ABLIM2: variants seen among roughly 807,000 people sequenced by gnomAD.
ABLIM2 encodes actin-binding LIM protein 2.
Under a neutral mutation model 97.7 loss-of-function variants are expected in ABLIM2, and 53 were observed. That is an observed-to-expected ratio of 0.54 (90% CI 0.44 to 0.68). The LOEUF (loss-of-function observed/expected upper bound fraction) is 0.68. Among genes scored for constraint, ABLIM2 ranks in the 30% least tolerant of loss-of-function variants. The pLI, the probability that ABLIM2 is intolerant of heterozygous loss-of-function variation, is 0.00. For synonymous variants in ABLIM2, 361 were observed against 345.8 expected (o/e 1.04, Z -0.49); for missense variants, 835 against 867.2 (o/e 0.96, Z 0.47).
rs147087665 is a variant in ABLIM2, at chr4:8,127,665, C to T, written c.11-21028G>A. 40 of 1,275,748 alleles carry T rather than the reference C, an allele frequency of 3.1e-5. No individual in the cohort carries two copies. Among genetic ancestry groups the T allele is most frequent in the African/African-American group, 7.6e-5 (5 of 65,708 alleles). 79.0% of individuals were successfully genotyped at this position (1,275,748 alleles called of 1,614,324 possible). A position where few individuals can be genotyped will look rare whatever the true frequency, so the allele number is the denominator to read the frequency against. On this transcript the variant is annotated intron_variant, in intron 1 of 20. Transcript: ENST00000447017. This position sits in a 1 kb window ranked among gnomAD's most constrained non-coding sequence, Gnocchi z 7.3. ...CACGGAGGATCGGGCAGGAGTGGAC[C>T]GGGGAAGAGCCTCTGTGGCCCACAG...
intron 18 of ABLIM2, among the ~76,000 whole-genome samples, 196 bp from the exon 19 acceptor site, chr4:7,983,750 G>T (rs571077823): frequency 1.4e-4 from 22 of 152,006 alleles, no homozygotes; most frequent in African/African-American, 4.8e-4. Context: ...GGCCTCCCCC[G>T]GGAAACCAGA....
Position 8,071,252 on chromosome 4 carries a change from C to A in ABLIM2, c.675+6376G>T, listed in dbSNP as rs993269120. On this transcript the variant is annotated intron_variant, in intron 6 of 20. Coordinates refer to ENST00000447017, the MANE Select transcript of ABLIM2 (RefSeq NM_001130083.2). The surrounding 1 kb of genome is among the most constrained non-coding windows in gnomAD (Gnocchi z 6.2). The stretch of plus-strand genomic sequence containing the variant: ...TGCTGCCCCAGCCCAGTGCCTCCCC[C>A]ATCCCTAGCCAGCCATCCCGGCCCA... Among the ~76,000 whole-genome samples the A allele has an allele frequency of 2.6e-5, 4 of 152,170 alleles. No homozygotes were observed. The highest frequency in any genetic ancestry group is 6.5e-5 in the Admixed American group (1 of 15,278).
chr4:8,112,511 C>G lies in ABLIM2; in HGVS notation c.11-5874G>C, dbSNP rs1840839323. Among the ~76,000 whole-genome samples, 1 of 152,172 alleles carries G rather than the reference C, an allele frequency of 6.6e-6. No homozygotes were observed. The highest frequency in any genetic ancestry group is 2.4e-5 in the African/African-American group (1 of 41,420). ...CTCCAAGGCTCAGAGACCAGACTTGCAGGCCGCAGGATGGAGGGGTCAGAT... is the reference window on the plus strand; with the variant it reads ...CTCCAAGGCTCAGAGACCAGACTTGGAGGCCGCAGGATGGAGGGGTCAGAT... On this transcript the variant is annotated intron_variant, in intron 1 of 20. Coordinates refer to ENST00000447017, the MANE Select transcript of ABLIM2 (RefSeq NM_001130083.2). The surrounding 1 kb of genome is among the most constrained non-coding windows in gnomAD (Gnocchi z 4.2).
chr4:8,086,206 AT>A (rs1479445110), intron 4 of ABLIM2, among the ~76,000 whole-genome samples: 1 of 151,830 alleles, frequency 6.6e-6, no homozygotes, highest in African/African-American at 2.4e-5. Flanking sequence ...TTCTTTGAAA[AT>A]GCAAATTTGA....
chr4:7,973,957 C>T (rs1730459181), intron 20 of ABLIM2, among the ~76,000 whole-genome samples: 2 of 152,182 alleles, frequency 1.3e-5, no homozygotes, highest in African/African-American at 4.8e-5. Flanking sequence ...AGATCGCCCT[C>T]AATAATGCAG....
chr4:8,157,365 C>A (rs1715700985), intron 1 of ABLIM2, among the ~76,000 whole-genome samples: 1 of 152,232 alleles, frequency 6.6e-6, no homozygotes, highest in African/African-American at 2.4e-5. Flanking sequence ...TCTGGAGGTT[C>A]TGCCAAGTCT....
At chr4:8,028,975 C>T (rs73092341) in intron 11 of ABLIM2, among the ~76,000 whole-genome samples, 2,312 of 152,314 alleles carry the variant, frequency 0.015, 65 homozygotes, top group African/African-American at 0.053. Context: ...AAAAATCCCT[C>T]GAAAGGCAGT....
At position 8,071,693 on chromosome 4, in the gene ABLIM2, ACCC is replaced by A; in HGVS notation, c.675+5932_675+5934del. 9.7e-4 allele frequency: 794 copies of A among 819,592 alleles called. No individual in the cohort carries two copies. Among genetic ancestry groups the A allele is most frequent in the Middle Eastern group, 1.3e-3 (2 of 1,592 alleles). The allele number at this position is 819,592 out of a possible 1,614,324, so 50.8% of individuals were successfully genotyped here. On this transcript the variant is annotated intron_variant, in intron 6 of 20. Coordinates refer to ENST00000447017, the MANE Select transcript of ABLIM2 (RefSeq NM_001130083.2). The surrounding 1 kb of genome is among the most constrained non-coding windows in gnomAD (Gnocchi z 6.2). ...ACACCTGACTGCTCTGTCCCCAAAA[ACCC>A]ACCCACCCGCAGCCCCTCCTGGCCC...
rs112786858 is a variant in ABLIM2 at position 7,984,391 on chromosome 4, C to T, written c.1735+448G>A. Among the ~76,000 whole-genome samples, 1,283 of 152,350 alleles carry T rather than the reference C, an allele frequency of 8.4e-3. 12 individuals carry two copies. Among genetic ancestry groups the T allele is most frequent in the African/African-American group, 0.028 (1,152 of 41,586 alleles). ...TGAGCCTGTGGGAGGTGTCAGGCAC[C>T]TGCCACACGACCAGGTGGCCGCTCT... On this transcript the variant is annotated intron_variant, in intron 18 of 20. Transcript: ENST00000447017.
rs1306572806 is a variant in ABLIM2, at chr4:8,120,478, C to T, written c.11-13841G>A. ...TGGCAGCATGGGAAACCAGAGGGAACCCAACATGAAGACGCGGGAGAAGAT... is the reference window on the plus strand; with the variant it reads ...TGGCAGCATGGGAAACCAGAGGGAATCCAACATGAAGACGCGGGAGAAGAT... On this transcript the variant is annotated intron_variant, in intron 1 of 20. Coordinates refer to ENST00000447017, the MANE Select transcript of ABLIM2 (RefSeq NM_001130083.2). This position sits in a 1 kb window ranked among gnomAD's most constrained non-coding sequence, Gnocchi z 5.6. Among the ~76,000 whole-genome samples, 8 of 152,120 alleles carry T rather than the reference C, an allele frequency of 5.3e-5. No homozygotes were observed. Among genetic ancestry groups the T allele is most frequent in the Non-Finnish European group, 8.8e-5 (6 of 68,020 alleles).
intron 3 of ABLIM2, among the ~76,000 whole-genome samples, chr4:8,092,924 C>G (rs971809498): frequency 6.6e-6 from 1 of 152,178 alleles, no homozygotes; most frequent in South Asian, 2.1e-4. Context: ...TCTTGGCTCT[C>G]TGCAACCTCC....
chr4:8,091,269 G>T (rs1827206320), intron 3 of ABLIM2, among the ~76,000 whole-genome samples: 1 of 59,412 alleles, frequency 1.7e-5, no homozygotes, highest in South Asian at 3.5e-4. Context: ...TCATTTGTGT[G>T]TATATATATA....
rs777556323 is a variant in ABLIM2 at position 7,992,024 on chromosome 4, A to G, written c.1680+842T>C. On this transcript the variant is annotated intron_variant, in intron 17 of 20. Transcript: ENST00000447017. This position sits in a 1 kb window ranked among gnomAD's most constrained non-coding sequence, Gnocchi z 5.7. ...GTGAATTGCCTCTATTTATGAACAA[A>G]TTTCCAGACTGGGACGAGGCTGCCT... 2.2e-4 allele frequency among the ~76,000 whole-genome samples: 33 copies of G among 152,076 alleles called. No homozygotes were observed. Among genetic ancestry groups the G allele is most frequent in the Non-Finnish European group, 4.6e-4 (31 of 68,020 alleles).
chr4:8,100,582 A>T (rs982478824), intron 2 of ABLIM2, among the ~76,000 whole-genome samples: 7 of 152,034 alleles, frequency 4.6e-5, no homozygotes, highest in Non-Finnish European at 7.4e-5. Context: ...CCTCGACTCC[A>T]CTAAAAATGC....
chr4:8,028,588 C>G (rs988037320), intron 11 of ABLIM2, among the ~76,000 whole-genome samples: 14 of 152,222 alleles, frequency 9.2e-5, no homozygotes, highest in African/African-American at 3.4e-4. Context: ...CTCATTCAAT[C>G]ACTCATTCAC....
chr4:7,984,935 A>G (rs905154629), intron 17 of ABLIM2, 42 bp from the exon 18 acceptor site: 27 of 1,593,664 alleles, frequency 1.7e-5, no homozygotes, highest in Non-Finnish European at 2.3e-5. Context: ...GACAGGCGGC[A>G]CGAGGGTGTG....
At chr4:7,983,156 G>C (rs1329468987) in intron 20 of ABLIM2, 108 bp downstream of exon 20, 8 of 1,157,986 alleles carry the variant, frequency 6.9e-6, no homozygotes, top group Non-Finnish European at 1.0e-5. Context: ...GCTCTGCACT[G>C]TCCCCCACGG....
intron 20 of ABLIM2, among the ~76,000 whole-genome samples, chr4:7,967,877 G>A (rs541623587): frequency 3.9e-5 from 6 of 152,356 alleles, no homozygotes; most frequent in South Asian, 4.1e-4. Flanking sequence ...GACTGTACCC[G>A]TGGGTGCTGG....
rs1172447109 is a variant in ABLIM2 at position 8,032,172 on chromosome 4, C to A, written c.1048-2396G>T. Reference sequence around the variant, plus strand: ...AGACTGCAGTCTGATTGGCAGCTCTCTATGTCACTGATTAATTTTGAGAAA... The same window carrying A: ...AGACTGCAGTCTGATTGGCAGCTCTATATGTCACTGATTAATTTTGAGAAA... On this transcript the variant is annotated intron_variant, in intron 10 of 20. Transcript: ENST00000447017. This position sits in a 1 kb window ranked among gnomAD's most constrained non-coding sequence, Gnocchi z 4.3. Among the ~76,000 whole-genome samples the A allele has an allele frequency of 1.3e-5, 2 of 149,396 alleles. No individual in the cohort carries two copies. Among genetic ancestry groups the A allele is most frequent in the African/African-American group, 5.0e-5 (2 of 40,128 alleles).
Sources: gnomAD v4.1 joint callset for allele counts (sites outside exome capture counted in the v4.1 genomes callset) on GRCh38, gnomAD v4.1.1 for gene constraint, Gnocchi (gnomAD v3.1) non-coding constraint, MANE v1.5 for transcripts, NCBI Gene and HGNC (gene_info 2026-07-23, HGNC 2026-07-21) for gene names.